EXOC6: variants seen among roughly 807,000 people sequenced by gnomAD.
The protein encoded by EXOC6 is exocyst complex component 6.
EXOC6 carries 60 observed loss-of-function variants against 112.5 expected under a neutral mutation model. That is an observed-to-expected ratio of 0.53 (90% CI 0.43 to 0.66). The LOEUF is 0.66. Among genes scored for constraint, EXOC6 ranks in the 30% least tolerant of loss-of-function variants. EXOC6 has a pLI of 0.00. For missense variants in EXOC6, 855 were observed against 957.1 expected (o/e 0.89, Z 1.41); for synonymous variants, 295 against 308.0 (o/e 0.96, Z 0.44).
At chr10:92,831,428 A>ATT, upstream of EXOC6, 15 of 826,052 alleles carry the variant, frequency 1.8e-5, no homozygotes, top group East Asian at 7.3e-5. Context: ...ACTATATTCT[A>ATT]TTTTTTTTTT....
intron 1 of EXOC6, among the ~76,000 whole-genome samples, chr10:92,876,452 T>C (rs1848691027): frequency 6.6e-6 from 1 of 152,150 alleles, no homozygotes; most frequent in Non-Finnish European, 1.5e-5. Context: ...CAGTAATTGG[T>C]AGAGGTAGAT....
intron 17 of EXOC6, among the ~76,000 whole-genome samples, chr10:92,957,685 T>C (rs1853767267): frequency 6.6e-6 from 1 of 152,216 alleles, no homozygotes; most frequent in Non-Finnish European, 1.5e-5. Flanking sequence ...ATCTTAAGAT[T>C]TGAAGGTCAA....
intron 1 of EXOC6, among the ~76,000 whole-genome samples, chr10:92,866,750 A>G (rs990075879): frequency 2.0e-5 from 3 of 152,140 alleles, no homozygotes; most frequent in Non-Finnish European, 2.9e-5. Context: ...AGCTATTTTT[A>G]AAAACTGAAA....
intron 9 of EXOC6, among the ~76,000 whole-genome samples, chr10:92,928,949 A>G (rs1333858007): frequency 6.6e-6 from 1 of 152,240 alleles, no homozygotes; most frequent in Admixed American, 6.5e-5. Context: ...CTATAAAACA[A>G]TCAAAACAGG....
At chr10:92,967,335 A>G (rs1368183612) in intron 17 of EXOC6, among the ~76,000 whole-genome samples, 2 of 152,030 alleles carry the variant, frequency 1.3e-5, no homozygotes, top group East Asian at 3.9e-4. Context: ...TTCTTCTTTC[A>G]GATAAAAATA....
chr10:93,015,155 C>T (rs572326176), intron 20 of EXOC6, among the ~76,000 whole-genome samples: 4 of 151,970 alleles, frequency 2.6e-5, no homozygotes, highest in Non-Finnish European at 5.9e-5. Context: ...GTTCCCATTC[C>T]CTTTAGGGGA....
At chr10:92,965,683 C>T (rs893846319) in intron 17 of EXOC6, among the ~76,000 whole-genome samples, 2 of 152,094 alleles carry the variant, frequency 1.3e-5, no homozygotes, top group African/African-American at 4.8e-5. Flanking sequence ...TTAGTGTATT[C>T]CTATGTATAA....
chr10:92,917,465 T>G (rs1851159280), intron 7 of EXOC6, among the ~76,000 whole-genome samples: 1 of 151,642 alleles, frequency 6.6e-6, no homozygotes, highest in Admixed American at 6.6e-5. Context: ...AACCTTGAAA[T>G]TATCCTTAAA....
rs189084390 is a variant in EXOC6, at chr10:93,030,373, T to A, written c.2169+16106T>A. ...GAGCCACTGCGCCCAGCCAAAAAAA[T>A]GGTAAATTTTCAAAAATAATTTGAA... is the stretch of plus-strand genomic sequence containing the variant. On this transcript the variant is annotated intron_variant, in intron 20 of 21. Coordinates refer to ENST00000260762, the MANE Select transcript of EXOC6 (RefSeq NM_019053.6). Among the ~76,000 whole-genome samples, 8 of 152,256 alleles carry A rather than the reference T, an allele frequency of 5.3e-5. No homozygotes were observed. In the East Asian group the frequency reaches 1.5e-3, roughly 29 times the overall value.
chr10:92,974,832 TG>T, intron 18 of EXOC6, among the ~76,000 whole-genome samples: 1 of 152,294 alleles, frequency 6.6e-6, no homozygotes, highest in African/African-American at 2.4e-5. Context: ...CCTCCCGAGG[TG>T]CCGGGATTGC....
chr10:92,917,828 C>T (rs1204480452), intron 7 of EXOC6, among the ~76,000 whole-genome samples: 2 of 152,212 alleles, frequency 1.3e-5, no homozygotes, highest in Non-Finnish European at 2.9e-5. Flanking sequence ...GTGTGAGCCA[C>T]CATGCCCGGC....
chr10:93,048,448 C>T (rs1846110141), intron 20 of EXOC6, among the ~76,000 whole-genome samples: 1 of 151,236 alleles, frequency 6.6e-6, no homozygotes, highest in Non-Finnish European at 1.5e-5. Context: ...CCTGTAATCC[C>T]AGCACTTTGG....
upstream of EXOC6, chr10:92,831,484 A>G: frequency 9.1e-6 from 4 of 437,688 alleles, no homozygotes; most frequent in Non-Finnish European, 1.5e-5. Context: ...CTCAGGCTGG[A>G]GTACAATGGC....
intron 1 of EXOC6, among the ~76,000 whole-genome samples, chr10:92,852,654 A>G (rs1335481170): frequency 6.6e-6 from 1 of 152,206 alleles, no homozygotes; most frequent in Admixed American, 6.5e-5. Context: ...ATTGTTCACC[A>G]TATTAAACAA....
intron 1 of EXOC6, among the ~76,000 whole-genome samples, chr10:92,870,276 G>A (rs529344703): frequency 6.6e-6 from 1 of 152,010 alleles, no homozygotes; most frequent in Non-Finnish European, 1.5e-5. Context: ...TTGAACTGAG[G>A]TATTTATATT....
chr10:92,945,834 G>A (rs990278826), intron 13 of EXOC6, among the ~76,000 whole-genome samples: 5 of 152,130 alleles, frequency 3.3e-5, no homozygotes, highest in East Asian at 1.9e-4. Flanking sequence ...ATTTAGCCCT[G>A]CCTTTTAACG....
chr10:92,977,093 T>C (rs1048524757), intron 18 of EXOC6, among the ~76,000 whole-genome samples: 1 of 152,136 alleles, frequency 6.6e-6, no homozygotes, highest in Non-Finnish European at 1.5e-5. Flanking sequence ...AACCCATTTA[T>C]GCTGGAGGTT....
At chr10:92,927,330 T>C (rs1357198510) in intron 8 of EXOC6, among the ~76,000 whole-genome samples, 1 of 152,172 alleles carries the variant, frequency 6.6e-6, no homozygotes, top group East Asian at 1.9e-4. Context: ...TAGTAATTAA[T>C]TTATTTTTTC....
chr10:92,858,035 C>T lies in EXOC6; in HGVS notation c.101+9401C>T, dbSNP rs999964652. On this transcript the variant is annotated intron_variant, in intron 1 of 21. Coordinates refer to ENST00000260762, the MANE Select transcript of EXOC6 (RefSeq NM_019053.6). Reference sequence around the variant, plus strand: ...TAGTTGACGGGTTCCCCCCCTCCGCCGGCCAGCAGTTTGAATATGTCTTTC... The same window carrying T: ...TAGTTGACGGGTTCCCCCCCTCCGCTGGCCAGCAGTTTGAATATGTCTTTC... Among the ~76,000 whole-genome samples, 29 of 144,700 alleles carry T rather than the reference C, an allele frequency of 2.0e-4. 3 individuals are homozygous for T. Among genetic ancestry groups the T allele is most frequent in the African/African-American group, 6.3e-4 (24 of 38,320 alleles). 94.9% of individuals were successfully genotyped at this position (144,700 alleles called of 152,430 possible).
Sources: allele counts gnomAD v4.1 joint callset (sites outside exome capture counted in the v4.1 genomes callset), GRCh38; gene constraint gnomAD v4.1.1; transcripts MANE v1.5; gene names NCBI Gene and HGNC (gene_info 2026-07-23, HGNC 2026-07-21).